The following XXYLT1 variants were observed in gnomAD, a reference collection of about 807,000 sequenced individuals.
XXYLT1 encodes xyloside xylosyltransferase 1.
A neutral mutation model predicts 28.9 loss-of-function variants in XXYLT1; 20 were observed. The ratio of observed to expected loss-of-function variants is 0.69; its 90% CI spans 0.49 to 1.00. XXYLT1 has a LOEUF of 1.00. XXYLT1 is among the 50% of genes least tolerant of loss of function. XXYLT1 has a pLI of 0.00. For synonymous variants in XXYLT1, 257 were observed against 253.8 expected (o/e 1.01, Z -0.12); for missense variants, 542 against 560.1 (o/e 0.97, Z 0.33).
intron 3 of XXYLT1, among the ~76,000 whole-genome samples, chr3:195,128,678 A>G (rs1433569625): frequency 2.0e-5 from 3 of 151,862 alleles, no homozygotes; most frequent in Admixed American, 6.6e-5. Flanking sequence ...TCCTTCCAAT[A>G]TGTCACCTCT....
chr3:195,136,708 C>T (rs1385952888), intron 3 of XXYLT1, among the ~76,000 whole-genome samples: 1 of 152,116 alleles, frequency 6.6e-6, no homozygotes, highest in Non-Finnish European at 1.5e-5. Context: ...GCTATAAGCC[C>T]TGGCCAGAAG....
chr3:195,191,130 A>C (rs1722401606), intron 2 of XXYLT1, among the ~76,000 whole-genome samples: 1 of 152,222 alleles, frequency 6.6e-6, no homozygotes, highest in South Asian at 2.1e-4. Flanking sequence ...AAGTATACTT[A>C]AACTACAGTT....
intron 1 of XXYLT1, among the ~76,000 whole-genome samples, chr3:195,265,601 A>T (rs1050630410): frequency 2.0e-5 from 3 of 152,148 alleles, no homozygotes; most frequent in Admixed American, 2.0e-4. Context: ...GGGGAAGGAG[A>T]GGAGACATGA....
intron 3 of XXYLT1, among the ~76,000 whole-genome samples, chr3:195,106,279 CTGTGTTTTTGACGGAGAGATGCTCTTGT>C (rs1257526715): frequency 8.1e-4 from 115 of 142,252 alleles, no homozygotes; most frequent in African/African-American, 2.0e-3. Context: ...GATGCTCTTG[CTGTGTTTTTGACGGAGAGATGCTCTTGT>C]TGTGTTTTTG....
chr3:195,071,518 A>T (rs1470206097), intron 3 of XXYLT1, among the ~76,000 whole-genome samples: 1 of 152,182 alleles, frequency 6.6e-6, no homozygotes, highest in Non-Finnish European at 1.5e-5. Flanking sequence ...CCCTCCGGAC[A>T]TTCTTACAGG....
chr3:195,209,153 C>T lies in XXYLT1; in HGVS notation c.652+17556G>A, dbSNP rs1028371047. Among the ~76,000 whole-genome samples, 2 of 152,234 alleles carry T rather than the reference C, an allele frequency of 1.3e-5. No individual in the cohort carries two copies. The highest frequency in any genetic ancestry group is 4.8e-5 in the African/African-American group (2 of 41,458). ...GTGTAAGATGCCAGTGGGGTTAGGA[C>T]AGGAACCGGCTCACCCTGTTAAGAA... On this transcript the variant is annotated intron_variant, in intron 2 of 3. Transcript: ENST00000310380. The surrounding 1 kb of genome is among the most constrained non-coding windows in gnomAD (Gnocchi z 5.0).
intron 2 of XXYLT1, among the ~76,000 whole-genome samples, chr3:195,160,522 G>A (rs147716254): frequency 6.6e-6 from 1 of 152,312 alleles, no homozygotes; most frequent in Non-Finnish European, 1.5e-5. Flanking sequence ...CTGGAAAAGG[G>A]GCTAATTTTC....
intron 2 of XXYLT1, among the ~76,000 whole-genome samples, chr3:195,175,105 ACGATGAAAAAGCTCTACCCCAGAGCAAT>A (rs1721596906): frequency 6.6e-6 from 1 of 152,216 alleles, no homozygotes; most frequent in Non-Finnish European, 1.5e-5. Flanking sequence ...ACTTAGAGCA[ACGATGAAAAAGCTCTACCCCAGAGCAAT>A]CGGGGCTGTG....
At chr3:195,217,396 T>C (rs1194063500) in intron 2 of XXYLT1, among the ~76,000 whole-genome samples, 71 of 34,114 alleles carry the variant, frequency 2.1e-3, no homozygotes, top group Non-Finnish European at 3.7e-3. Context: ...GACGACATGA[T>C]TGTATATCTA....
At chr3:195,254,784 A>G (rs962194456) in intron 1 of XXYLT1, among the ~76,000 whole-genome samples, 4 of 152,242 alleles carry the variant, frequency 2.6e-5, no homozygotes, top group African/African-American at 9.6e-5. Context: ...CGTCAAGCAC[A>G]AACAGCTGCG....
Position 195,227,004 on chromosome 3 carries a change from G to C in XXYLT1, c.505-148C>G. ...AGGGGATGGGGCTAGGGGTAGCAAC[G>C]GAGAGTTAAGGAAACGAGAAACAAC... is the stretch of plus-strand genomic sequence containing the variant. On this transcript the variant is annotated intron_variant, in intron 1 of 3. Transcript: ENST00000310380. 5 of 922,244 alleles carry C rather than the reference G, an allele frequency of 5.4e-6. 1 individual carries two copies. Among genetic ancestry groups the C allele is most frequent in the Non-Finnish European group, 7.9e-6 (5 of 630,686 alleles). The allele number at this position is 922,244 out of a possible 1,614,324, so 57.1% of individuals were successfully genotyped here. A position where few individuals can be genotyped will look rare whatever the true frequency, so the allele number is the denominator to read the frequency against.
chr3:195,082,647 G>T (rs969318025), intron 3 of XXYLT1, among the ~76,000 whole-genome samples: 2 of 152,174 alleles, frequency 1.3e-5, no homozygotes, highest in African/African-American at 4.8e-5. Flanking sequence ...GAGGTCAGGA[G>T]TTTGAAGCCA....
At chr3:195,236,345 C>T (rs1266336882) in intron 1 of XXYLT1, among the ~76,000 whole-genome samples, 1 of 152,142 alleles carries the variant, frequency 6.6e-6, no homozygotes, top group Non-Finnish European at 1.5e-5. Flanking sequence ...CCTCTTTCTC[C>T]AGGCAGAGGA....
intron 3 of XXYLT1, among the ~76,000 whole-genome samples, chr3:195,110,712 TGTG>T (rs1717624786): frequency 7.3e-6 from 1 of 136,404 alleles, no homozygotes; most frequent in African/African-American, 2.9e-5. Flanking sequence ...GTGTGGTGTG[TGTG>T]GTGTGTGTGT....
At chr3:195,141,471 C>T (rs758846212) in intron 3 of XXYLT1, among the ~76,000 whole-genome samples, 9 of 152,156 alleles carry the variant, frequency 5.9e-5, no homozygotes, top group South Asian at 2.1e-4. Context: ...TATAAGACCC[C>T]GTATATGACC....
intron 2 of XXYLT1, among the ~76,000 whole-genome samples, chr3:195,167,572 C>T (rs1438710541): frequency 1.3e-5 from 2 of 152,244 alleles, no homozygotes; most frequent in African/African-American, 4.8e-5. Context: ...GCCTGGGCGA[C>T]AAGAGTGAAA....
At chr3:195,103,937 C>T (rs905372793) in intron 3 of XXYLT1, among the ~76,000 whole-genome samples, 28 of 152,326 alleles carry the variant, frequency 1.8e-4, no homozygotes, top group Admixed American at 9.8e-4. Flanking sequence ...GCCTCTCCAA[C>T]GAGGGGAGAA....
intron 3 of XXYLT1, among the ~76,000 whole-genome samples, chr3:195,155,415 T>C (rs1720527093): frequency 1.3e-5 from 2 of 152,212 alleles, no homozygotes; most frequent in East Asian, 3.8e-4. Context: ...TCGGCAGCTC[T>C]GCTCTGGGTG....
intron 3 of XXYLT1, among the ~76,000 whole-genome samples, chr3:195,094,960 G>A (rs1032273328): frequency 1.3e-5 from 2 of 152,200 alleles, no homozygotes; most frequent in African/African-American, 4.8e-5. Flanking sequence ...CTAGATGCAG[G>A]GCAGTGCTTC....
Sources: allele counts gnomAD v4.1 joint callset (sites outside exome capture counted in the v4.1 genomes callset), GRCh38; gene constraint gnomAD v4.1.1; non-coding constraint Gnocchi (gnomAD v3.1); transcripts MANE v1.5; gene names NCBI Gene and HGNC (gene_info 2026-07-23, HGNC 2026-07-21).